Variants in CACNG2 observed in about 807,000 individuals in gnomAD.
The protein encoded by CACNG2 is voltage-dependent calcium channel gamma-2 subunit.
CACNG2 carries 3 observed loss-of-function variants against 25.9 expected under a neutral mutation model. The observed-to-expected ratio is 0.12, with a 90% confidence interval of 0.05 to 0.30. CACNG2 has a LOEUF of 0.30. Ranked by LOEUF, CACNG2 falls within the 10% of genes least tolerant of loss-of-function variation. The probability of loss-of-function intolerance (pLI) is 1.00; values close to 1 mark genes in which losing one functional copy is unlikely to be tolerated. For synonymous variants in CACNG2, 167 were observed against 173.3 expected (o/e 0.96, Z 0.29); for missense variants, 341 against 432.5 (o/e 0.79, Z 1.88).
intron 1 of CACNG2, among the ~76,000 whole-genome samples, chr22:36,653,954 G>A (rs1012832984): frequency 4.6e-5 from 6 of 129,260 alleles, no homozygotes; most frequent in Non-Finnish European, 8.2e-5. Context: ...GGTAAGTACA[G>A]TGTGTTTGTG....
Position 36,679,197 on chromosome 22 carries a change from C to CCTTCCTTTCTTTCTTTCTTT in CACNG2, c.211+23168_211+23169insAAAGAAAGAAAGAAAGGAAG, listed in dbSNP as rs1491420417. Among the ~76,000 whole-genome samples the CCTTCCTTTCTTTCTTTCTTT allele has an allele frequency of 3.4e-3, 184 of 54,730 alleles. 1 individual carries two copies. The highest frequency in any genetic ancestry group is 0.011 in the African/African-American group (162 of 14,414). 35.9% of individuals were successfully genotyped at this position (54,730 alleles called of 152,430 possible). On this transcript the variant is annotated intron_variant, in intron 1 of 3. Transcript: ENST00000300105. ...TCCTTCCTTCCTTCCTTCCTTCCTT[C>CCTTCCTTTCTTTCTTTCTTT]CTTTCTTTCTTTCTTTCTTTCTTTC...
chr22:36,632,157 G>A (rs974176323), intron 1 of CACNG2, among the ~76,000 whole-genome samples: 7 of 152,030 alleles, frequency 4.6e-5, no homozygotes, highest in African/African-American at 1.7e-4. Flanking sequence ...AAGGGAAGCT[G>A]AATGACCTAT....
At chr22:36,589,791 C>T (rs1426582132) in intron 1 of CACNG2, among the ~76,000 whole-genome samples, 2 of 152,112 alleles carry the variant, frequency 1.3e-5, no homozygotes, top group African/African-American at 4.8e-5. Flanking sequence ...AGCCTTGTCC[C>T]CTCCCTAGTA....
intron 1 of CACNG2, among the ~76,000 whole-genome samples, chr22:36,661,181 G>A (rs574313584): frequency 2.0e-5 from 3 of 152,216 alleles, no homozygotes; most frequent in Non-Finnish European, 2.9e-5. Flanking sequence ...AGAGGAGTCC[G>A]GAAGTGGAAT....
At chr22:36,632,027 C>T (rs996409180) in intron 1 of CACNG2, among the ~76,000 whole-genome samples, 1 of 152,136 alleles carries the variant, frequency 6.6e-6, no homozygotes, top group Non-Finnish European at 1.5e-5. Context: ...AAAGGAAGAA[C>T]TTCCTTGAAG....
At chr22:36,640,637 C>T (rs151318283) in intron 1 of CACNG2, among the ~76,000 whole-genome samples, 48 of 152,356 alleles carry the variant, frequency 3.2e-4, no homozygotes, top group African/African-American at 1.1e-3. Flanking sequence ...CCCGAGCCTT[C>T]AGCATCACCT....
chr22:36,663,634 C>A lies in CACNG2; in HGVS notation c.211+38732G>T, dbSNP rs1450548209. The stretch of plus-strand genomic sequence containing the variant: ...CTTTATTAATGCGTCGCGAGGGGGC[C>A]TCTCCCACAAGCTGTGGGAAGCAGA... On this transcript the variant is annotated intron_variant, in intron 1 of 3. Transcript: ENST00000300105. 3.9e-5 allele frequency among the ~76,000 whole-genome samples: 6 copies of A among 152,162 alleles called. No individual in the cohort carries two copies. The South Asian group carries it at 6.2e-4, about 16-fold the overall frequency.
intron 1 of CACNG2, among the ~76,000 whole-genome samples, chr22:36,667,160 G>A (rs541642578): frequency 3.4e-4 from 52 of 152,122 alleles, no homozygotes; most frequent in African/African-American, 1.2e-3. Flanking sequence ...TGGCTAAGAC[G>A]GGGTTTCACC....
At chr22:36,596,844 AC>A (rs760752262) in intron 1 of CACNG2, among the ~76,000 whole-genome samples, 147 of 151,450 alleles carry the variant, frequency 9.7e-4, no homozygotes, top group Non-Finnish European at 1.7e-3. Context: ...TGCAGCCTTG[AC>A]CTTCTGGGCT....
intron 1 of CACNG2, among the ~76,000 whole-genome samples, chr22:36,646,748 G>A (rs960954209): frequency 1.3e-5 from 2 of 150,718 alleles, no homozygotes; most frequent in Middle Eastern, 3.2e-3. Flanking sequence ...CTTCCCCCTG[G>A]GCTCCCCACA....
At chr22:36,581,989 A>C (rs886199959) in intron 2 of CACNG2, among the ~76,000 whole-genome samples, 1 of 152,114 alleles carries the variant, frequency 6.6e-6, no homozygotes, top group East Asian at 1.9e-4. Flanking sequence ...TTTGTCTCGA[A>C]ATCCACATTC....
chr22:36,668,629 C>T (rs917756829), intron 1 of CACNG2, among the ~76,000 whole-genome samples: 1 of 152,038 alleles, frequency 6.6e-6, no homozygotes, highest in Admixed American at 6.6e-5. Context: ...GCTGGGACTA[C>T]AGGTGCACAC....
At chr22:36,581,511 T>G (rs908683240) in intron 2 of CACNG2, among the ~76,000 whole-genome samples, 13 of 152,206 alleles carry the variant, frequency 8.5e-5, no homozygotes, top group Non-Finnish European at 1.9e-4. Context: ...AGCTCTGAAC[T>G]GCTGTCCAGC....
intron 1 of CACNG2, among the ~76,000 whole-genome samples, chr22:36,694,452 T>C (rs1937307041): frequency 6.6e-6 from 1 of 152,208 alleles, no homozygotes; most frequent in Non-Finnish European, 1.5e-5. Context: ...ATGCATTTCC[T>C]GGCATTGGGG....
Position 36,652,888 on chromosome 22 carries a change from T to C in CACNG2, c.211+49478A>G, listed in dbSNP as rs983284495. 5.9e-5 allele frequency among the ~76,000 whole-genome samples: 9 copies of C among 152,254 alleles called. No individual in the cohort carries two copies. The East Asian group carries it at 1.5e-3, about 26-fold the overall frequency. Reference sequence around the variant, plus strand: ...GGCAGAAGAGCTCTCAGGGCCATGTTAATGGCATTAGGACTGTAGGGCTAA... The same window carrying C: ...GGCAGAAGAGCTCTCAGGGCCATGTCAATGGCATTAGGACTGTAGGGCTAA... On this transcript the variant is annotated intron_variant, in intron 1 of 3. Transcript: ENST00000300105.
In CACNG2 at chr22:36,563,975, T is replaced by C. The variant is rs1177076423; in HGVS notation, c.*376A>G. 6.2e-6 allele frequency: 1 copy of C among 162,094 alleles called. No individual in the cohort carries two copies. Among genetic ancestry groups the C allele is most frequent in the Non-Finnish European group, 1.3e-5 (1 of 74,976 alleles). The allele number at this position is 162,094 out of a possible 1,614,324, so 10.0% of individuals were successfully genotyped here. ...CCTTTTATTTTTTCATTTAAATTGA[T>C]TTTTATTAAATGTTAAAATAATGGT... is the stretch of plus-strand genomic sequence containing the variant. On this transcript the variant is annotated 3_prime_UTR_variant, in exon 4 of 4. Transcript: ENST00000300105.
intron 1 of CACNG2, among the ~76,000 whole-genome samples, chr22:36,670,631 T>TTTTG (rs199498283): frequency 2.9e-5 from 2 of 68,738 alleles, no homozygotes; most frequent in African/African-American, 1.9e-4. Flanking sequence ...GTTTTTGTTT[T>TTTTG]TTTGTTTTGT....
chr22:36,643,000 C>T (rs1936462150), intron 1 of CACNG2, among the ~76,000 whole-genome samples: 1 of 151,804 alleles, frequency 6.6e-6, no homozygotes, highest in Non-Finnish European at 1.5e-5. Context: ...TTCCTTCCTT[C>T]CTCTCTCCCT....
chr22:36,585,288 G>A (rs1935482888), intron 2 of CACNG2: 1 of 152,136 alleles, frequency 6.6e-6, no homozygotes, highest in Non-Finnish European at 1.5e-5. Context: ...CATGCAGGGT[G>A]CCAGGGAGGC....
Sources: gnomAD v4.1 joint callset for allele counts (sites outside exome capture counted in the v4.1 genomes callset) on GRCh38, gnomAD v4.1.1 for gene constraint, MANE v1.5 for transcripts, NCBI Gene and HGNC (gene_info 2026-07-23, HGNC 2026-07-21) for gene names.